The following RUNX1 variants were observed in gnomAD, a reference collection of about 807,000 sequenced individuals.
The protein encoded by RUNX1 is RUNX family transcription factor 1.
Under a neutral mutation model 42.8 loss-of-function variants are expected in RUNX1, and 19 were observed. The observed-to-expected ratio is 0.44, with a 90% CI of 0.31 to 0.65. The LOEUF is 0.65. RUNX1 is among the 30% of genes least tolerant of loss of function. The pLI, the probability that RUNX1 is intolerant of heterozygous loss-of-function variation, is 0.07. For synonymous variants in RUNX1, 271 were observed against 289.4 expected, an observed-to-expected ratio of 0.94 and a Z score of 0.64; for missense variants, 528 against 672.0, an observed-to-expected ratio of 0.79 and a Z score of 2.37.
In RUNX1 at chr21:34,854,889, C is replaced by T. The variant is rs367696479; in HGVS notation, c.613+4585G>A. ...TCCTTCCCTCCAGGTTTGTACTTCC[C>T]GGCATCTGCTGGGTTACACCTTTCC... On this transcript the variant is annotated intron_variant, in intron 6 of 8. Transcript: ENST00000675419. 2.6e-5 allele frequency among the ~76,000 whole-genome samples: 4 copies of T among 152,246 alleles called. No individual in the cohort carries two copies. The South Asian group carries it at 6.2e-4, about 24-fold the overall frequency.
intron 6 of RUNX1, among the ~76,000 whole-genome samples, chr21:34,851,259 G>C (rs2057414461): frequency 6.6e-6 from 1 of 152,238 alleles, no homozygotes; most frequent in African/African-American, 2.4e-5. Context: ...ATGTGGATTT[G>C]CCTGATGTGA....
intron 2 of RUNX1, among the ~76,000 whole-genome samples, chr21:35,039,074 C>T (rs946407257): frequency 3.6e-4 from 55 of 152,142 alleles, no homozygotes; most frequent in Non-Finnish European, 1.3e-4. Flanking sequence ...AGCCTAAGGA[C>T]GTTCTTAAGG....
At chr21:34,865,128 G>C (rs898018068) in intron 5 of RUNX1, among the ~76,000 whole-genome samples, 7 of 151,988 alleles carry the variant, frequency 4.6e-5, no homozygotes, top group Admixed American at 3.3e-4. Context: ...TACAAGCAGA[G>C]CACAGGGAAA....
chr21:34,888,338 A>G (rs983290134), intron 3 of RUNX1: 15 of 1,060,580 alleles, frequency 1.4e-5, no homozygotes, highest in Non-Finnish European at 1.5e-5. Context: ...ACATCCTGCC[A>G]CGCACACTGC....
In RUNX1 at chr21:34,854,623, A is replaced by T. The variant is rs563079137; in HGVS notation, c.613+4851T>A. On this transcript the variant is annotated intron_variant, in intron 6 of 8. Transcript: ENST00000675419. ...AAAAAAAAAGAAAAAAGAAAGCTGC[A>T]CATTTTACCTTACTCCCTAGCTGCC... is the stretch of plus-strand genomic sequence containing the variant. 2.5e-4 allele frequency among the ~76,000 whole-genome samples: 38 copies of T among 151,896 alleles called. No individual in the cohort carries two copies. In the South Asian group the frequency reaches 7.7e-3, roughly 31 times the overall value.
At chr21:34,978,413 ACTTTC>A (rs147905099) in intron 2 of RUNX1, among the ~76,000 whole-genome samples, 2,480 of 152,232 alleles carry the variant, frequency 0.016, 61 homozygotes, top group African/African-American at 0.056. Context: ...TAAAAAATAA[ACTTTC>A]CTTTCATTTT....
chr21:34,987,197 A>G (rs762327721), intron 2 of RUNX1, among the ~76,000 whole-genome samples: 1 of 152,228 alleles, frequency 6.6e-6, no homozygotes, highest in African/African-American at 2.4e-5. Flanking sequence ...CAGGTCAGAC[A>G]GTCAGGCTTT....
intron 3 of RUNX1, chr21:34,889,793 C>CCCCGCCCGGCGGGGCT (rs2058057253): frequency 6.2e-6 from 7 of 1,137,094 alleles, no homozygotes; most frequent in African/African-American, 3.3e-5. Flanking sequence ...CCAACTCCGA[C>CCCCGCCCGGCGGGGCT]CCCGCCCGGC....
At position 34,901,518 on chromosome 21, in the gene RUNX1, A is replaced by T. The variant is rs1044956680; in HGVS notation, c.59-8555T>A. Among the ~76,000 whole-genome samples, 7 of 151,758 alleles carry T rather than the reference A, an allele frequency of 4.6e-5. No homozygotes were observed. Among genetic ancestry groups the T allele is most frequent in the Admixed American group, 6.6e-5 (1 of 15,242 alleles). On this transcript the variant is annotated intron_variant, in intron 2 of 8. Transcript: ENST00000675419. This position sits in a 1 kb window ranked among gnomAD's most constrained non-coding sequence, Gnocchi z 4.3. ...ACAGAGCCAGATCCGTCTCAAAAAT[A>T]AATAATAATAATAATAATAACAATA...
chr21:35,014,788 C>T (rs1350099353), intron 2 of RUNX1, among the ~76,000 whole-genome samples: 1 of 152,248 alleles, frequency 6.6e-6, no homozygotes, highest in Non-Finnish European at 1.5e-5. Context: ...CAGCCGTTTA[C>T]TCTTGTGTGC....
chr21:34,901,518 A>AAATAAT lies in RUNX1; in HGVS notation c.59-8561_59-8556dup, dbSNP rs536376739. Among the ~76,000 whole-genome samples, 49 of 151,758 alleles carry AAATAAT rather than the reference A, an allele frequency of 3.2e-4. No homozygotes were observed. Among genetic ancestry groups the AAATAAT allele is most frequent in the Admixed American group, 3.0e-3 (45 of 15,242 alleles). ...ACAGAGCCAGATCCGTCTCAAAAAT[A>AAATAAT]AATAATAATAATAATAATAACAATA... On this transcript the variant is annotated intron_variant, in intron 2 of 8. Transcript: ENST00000675419. This position sits in a 1 kb window ranked among gnomAD's most constrained non-coding sequence, Gnocchi z 4.3.
intron 2 of RUNX1, among the ~76,000 whole-genome samples, chr21:34,985,322 C>T (rs1004052339): frequency 1.3e-5 from 2 of 152,150 alleles, no homozygotes; most frequent in South Asian, 2.1e-4. Flanking sequence ...TGGGTTCAGG[C>T]CCATCGGGGC....
At chr21:34,906,335 A>G (rs763518148) in intron 2 of RUNX1, among the ~76,000 whole-genome samples, 51 of 152,336 alleles carry the variant, frequency 3.3e-4, no homozygotes, top group Admixed American at 1.1e-3. Flanking sequence ...GGACAGAGAA[A>G]GCTGTGGAAT....
At chr21:34,863,897 TG>T (rs2057616995) in intron 5 of RUNX1, among the ~76,000 whole-genome samples, 1 of 152,210 alleles carries the variant, frequency 6.6e-6, no homozygotes, top group Non-Finnish European at 1.5e-5. Flanking sequence ...GCCAGTCATG[TG>T]GTTCTCCCTC....
At chr21:34,877,358 G>A (rs1272565110) in intron 5 of RUNX1, among the ~76,000 whole-genome samples, 1 of 152,092 alleles carries the variant, frequency 6.6e-6, no homozygotes, top group African/African-American at 2.4e-5. Context: ...TGGAGTCCCA[G>A]TCCATTTGGC....
At chr21:34,959,371 C>T (rs1011916682) in intron 2 of RUNX1, among the ~76,000 whole-genome samples, 1 of 152,120 alleles carries the variant, frequency 6.6e-6, no homozygotes, top group African/African-American at 2.4e-5. Flanking sequence ...AGTTCCTTCA[C>T]CTCAAAATGG....
chr21:34,888,700 G>T, intron 3 of RUNX1: 1 of 1,035,692 alleles, frequency 9.7e-7, no homozygotes, highest in Non-Finnish European at 1.2e-6. Flanking sequence ...GAATGAGAGT[G>T]CCTGGAAATG....
intron 2 of RUNX1, among the ~76,000 whole-genome samples, chr21:35,014,774 G>T (rs1310367860): frequency 1.3e-5 from 2 of 152,226 alleles, no homozygotes; most frequent in African/African-American, 4.8e-5. Flanking sequence ...CCTCTCTGCC[G>T]AGGCAGCCGT....
At chr21:35,038,810 T>G (rs899578392) in intron 2 of RUNX1, 36 of 451,116 alleles carry the variant, frequency 8.0e-5, no homozygotes, top group African/African-American at 6.4e-4. Context: ...CTTCCAGAGC[T>G]GAAGCCTGGC....
Sources: gnomAD v4.1 joint callset for allele counts (sites outside exome capture counted in the v4.1 genomes callset) on GRCh38, gnomAD v4.1.1 for gene constraint, Gnocchi (gnomAD v3.1) non-coding constraint, MANE v1.5 for transcripts, NCBI Gene and HGNC (gene_info 2026-07-23, HGNC 2026-07-21) for gene names.